Variants in ADAMTS18 observed in about 807,000 individuals in gnomAD.
ADAMTS18 encodes A disintegrin and metalloproteinase with thrombospondin motifs 18.
Under a neutral mutation model 165.9 loss-of-function variants are expected in ADAMTS18, and 157 were observed. The ratio of observed to expected loss-of-function variants is 0.95; its 90% CI spans 0.83 to 1.08. The LOEUF is 1.08. Among genes scored for constraint, ADAMTS18 ranks in the 50% least tolerant of loss-of-function variants. The pLI, the probability that ADAMTS18 is intolerant of heterozygous loss-of-function variation, is 0.00. For missense variants in ADAMTS18, 2,040 were observed against 1,534.0 expected, an observed-to-expected ratio of 1.33 and a Z score of -5.51; for synonymous variants, 782 against 578.2, an observed-to-expected ratio of 1.35 and a Z score of -5.06.
At chr16:77,322,595 G>C in intron 13 of ADAMTS18, 129 bp from the exon 14 acceptor site, 1 of 1,151,198 alleles carries the variant, frequency 8.7e-7, no homozygotes, top group Non-Finnish European at 1.3e-6. Flanking sequence ...GTGTGTGTTT[G>C]CACATATAAG....
intron 3 of ADAMTS18, among the ~76,000 whole-genome samples, chr16:77,411,307 T>C (rs1357444045): frequency 1.3e-5 from 2 of 152,218 alleles, no homozygotes; most frequent in Non-Finnish European, 2.9e-5. Flanking sequence ...CCTGGCATTC[T>C]GTATGAAAGA....
At chr16:77,340,942 T>C (rs2056388742) in intron 11 of ADAMTS18, among the ~76,000 whole-genome samples, 2 of 152,280 alleles carry the variant, frequency 1.3e-5, no homozygotes, top group Admixed American at 1.3e-4. Flanking sequence ...GAGTCAATAA[T>C]TAAGATCAGC....
intron 16 of ADAMTS18, among the ~76,000 whole-genome samples, chr16:77,317,711 A>G (rs1434815968): frequency 1.3e-5 from 2 of 152,236 alleles, no homozygotes; most frequent in East Asian, 3.8e-4. Context: ...AACACACAGA[A>G]CACAAACTCC....
chr16:77,356,530 A>G (rs1381565784), intron 8 of ADAMTS18, among the ~76,000 whole-genome samples: 1 of 152,190 alleles, frequency 6.6e-6, no homozygotes, highest in Non-Finnish European at 1.5e-5. Context: ...CTGTTCATAT[A>G]TAAGGCTAGC....
rs555382249 is a variant in ADAMTS18 at position 77,368,502 on chromosome 16, T to C, written c.496-779A>G. Among the ~76,000 whole-genome samples, 8 of 150,612 alleles carry C rather than the reference T, an allele frequency of 5.3e-5. No homozygotes were observed. In the South Asian group the frequency reaches 1.3e-3, roughly 24 times the overall value. ...CTTAGGTTGGAGTACAATAGCACTA[T>C]CATGGCTCACTGTAGCCTTGACCTA... On this transcript the variant is annotated intron_variant, in intron 3 of 22. Coordinates refer to ENST00000282849, the MANE Select transcript of ADAMTS18 (RefSeq NM_199355.4).
intron 21 of ADAMTS18, chr16:77,291,026 T>C (rs555442998): frequency 1.8e-6 from 1 of 563,892 alleles, no homozygotes; most frequent in South Asian, 2.0e-5. Context: ...ACATACATTT[T>C]CTGATGAACA....
At chr16:77,413,211 A>T (rs1463333850) in intron 3 of ADAMTS18, among the ~76,000 whole-genome samples, 1 of 152,052 alleles carries the variant, frequency 6.6e-6, no homozygotes, top group East Asian at 1.9e-4. Flanking sequence ...AGGCCACCTG[A>T]CCTGCTCCTC....
intron 13 of ADAMTS18, 50 bp downstream of exon 13, chr16:77,325,816 C>T: frequency 1.3e-6 from 2 of 1,553,078 alleles, no homozygotes; most frequent in Non-Finnish European, 1.8e-6. Context: ...TGGTCAATCA[C>T]ATTATTATCC....
At chr16:77,291,739 C>T (rs577556321) in intron 20 of ADAMTS18, among the ~76,000 whole-genome samples, 1 of 152,168 alleles carries the variant, frequency 6.6e-6, no homozygotes. Flanking sequence ...AAAAAAGGAA[C>T]CTTGGGATGC....
At chr16:77,382,846 T>A (rs1371593742) in intron 3 of ADAMTS18, among the ~76,000 whole-genome samples, 8 of 152,210 alleles carry the variant, frequency 5.3e-5, no homozygotes, top group African/African-American at 1.9e-4. Context: ...CAGGCTTTGC[T>A]GCTGGGTCTG....
At chr16:77,375,987 G>A (rs559583349) in intron 3 of ADAMTS18, among the ~76,000 whole-genome samples, 16 of 131,932 alleles carry the variant, frequency 1.2e-4, no homozygotes, top group Admixed American at 3.4e-4. Flanking sequence ...CACTGCAACC[G>A]CTGCCTCCCG....
intron 16 of ADAMTS18, among the ~76,000 whole-genome samples, chr16:77,314,681 T>C (rs1309483176): frequency 1.5e-5 from 2 of 129,660 alleles, no homozygotes; most frequent in African/African-American, 5.9e-5. Context: ...ATACATACGA[T>C]TGATAGATAG....
intron 4 of ADAMTS18, among the ~76,000 whole-genome samples, chr16:77,366,144 C>T (rs1286371678): frequency 7.5e-6 from 1 of 133,906 alleles, no homozygotes; most frequent in African/African-American, 3.3e-5. Context: ...ACCAGTTCCT[C>T]TTCTCCATGA....
intron 22 of ADAMTS18, 84 bp from the exon 23 acceptor site, chr16:77,284,155 C>G: frequency 1.1e-6 from 1 of 877,182 alleles, no homozygotes; most frequent in Non-Finnish European, 1.8e-6. Flanking sequence ...GAGTCTCACT[C>G]TGTTACCTAG....
intron 10 of ADAMTS18, among the ~76,000 whole-genome samples, chr16:77,343,223 A>G (rs926743471): frequency 3.3e-5 from 5 of 152,042 alleles, no homozygotes; most frequent in Admixed American, 3.3e-4. Flanking sequence ...ACAAGCACGC[A>G]CCACCATGTC....
chr16:77,420,974 C>T (rs1161762939), intron 3 of ADAMTS18, among the ~76,000 whole-genome samples: 1 of 152,176 alleles, frequency 6.6e-6, no homozygotes, highest in Non-Finnish European at 1.5e-5. Context: ...GGTAAATCAG[C>T]AGAAAGATAA....
chr16:77,389,908 T>C (rs550311968), intron 3 of ADAMTS18, among the ~76,000 whole-genome samples: 125 of 152,324 alleles, frequency 8.2e-4, no homozygotes, highest in African/African-American at 2.9e-3. Context: ...TAAATATTAA[T>C]AAGATAACGT....
At chr16:77,405,755 T>A (rs1280779406) in intron 3 of ADAMTS18, among the ~76,000 whole-genome samples, 1 of 152,114 alleles carries the variant, frequency 6.6e-6, no homozygotes, top group Non-Finnish European at 1.5e-5. Flanking sequence ...TTACAGATGG[T>A]CACCTTTTCA....
chr16:77,391,454 T>C (rs997973444), intron 3 of ADAMTS18, among the ~76,000 whole-genome samples: 22 of 149,576 alleles, frequency 1.5e-4, no homozygotes, highest in Non-Finnish European at 2.7e-4. Context: ...ATCACACCAC[T>C]GCACTCCAGC....
Sources: allele counts gnomAD v4.1 joint callset (sites outside exome capture counted in the v4.1 genomes callset), GRCh38; gene constraint gnomAD v4.1.1; transcripts MANE v1.5; gene names NCBI Gene and HGNC (gene_info 2026-07-23, HGNC 2026-07-21).